Variants in PIK3R5 observed in about 807,000 individuals in gnomAD.
PIK3R5 encodes phosphoinositide 3-kinase regulatory subunit 5.
In PIK3R5, 32 loss-of-function variants were observed where a neutral mutation model predicts 94.9. The ratio of observed to expected loss-of-function variants is 0.34; its 90% CI spans 0.25 to 0.45. PIK3R5 has a LOEUF of 0.45. Ranked by LOEUF, PIK3R5 falls within the 20% of genes least tolerant of loss-of-function variation. The probability of loss-of-function intolerance (pLI) is 1.00; values close to 1 mark genes in which losing one functional copy is unlikely to be tolerated. For missense variants in PIK3R5, 853 were observed against 1,144.6 expected (o/e 0.75, Z 3.68); for synonymous variants, 443 against 479.4 (o/e 0.92, Z 0.99).
intron 1 of PIK3R5, among the ~76,000 whole-genome samples, chr17:8,937,736 C>T (rs570073205): frequency 1.2e-3 from 181 of 152,276 alleles, no homozygotes; most frequent in African/African-American, 4.2e-3. Context: ...TTAGGTAATG[C>T]TGGCCTCATA....
At chr17:8,905,822 C>T (rs1597392083) in intron 3 of PIK3R5, 85 bp from the exon 4 acceptor site, 12 of 620,644 alleles carry the variant, frequency 1.9e-5, no homozygotes, top group Middle Eastern at 3.9e-4. Context: ...CTTCCTCATT[C>T]TAGCCTTTCT....
At position 8,892,908 on chromosome 17, in the gene PIK3R5, C is replaced by T. The variant is rs2090061010; in HGVS notation, c.482+678G>A. On this transcript the variant is annotated intron_variant, in intron 6 of 18. Coordinates refer to ENST00000447110, the MANE Select transcript of PIK3R5 (RefSeq NM_001142633.3). The surrounding 1 kb of genome is among the most constrained non-coding windows in gnomAD (Gnocchi z 4.3). Reference sequence around the variant, plus strand: ...CAGAGGGTCCTCCTAATGGGCACCCCCTCTCTAGTGCTTTTCAAACTGCAG... The same window carrying T: ...CAGAGGGTCCTCCTAATGGGCACCCTCTCTCTAGTGCTTTTCAAACTGCAG... 6.6e-6 allele frequency among the ~76,000 whole-genome samples: 1 copy of T among 152,134 alleles called. No individual in the cohort carries two copies. The highest frequency in any genetic ancestry group is 6.5e-5 in the Admixed American group (1 of 15,282).
intron 1 of PIK3R5, among the ~76,000 whole-genome samples, chr17:8,924,901 T>A (rs1198805938): frequency 6.6e-6 from 1 of 152,228 alleles, no homozygotes; most frequent in Non-Finnish European, 1.5e-5. Context: ...TTTAGCCCAG[T>A]CTAGAACTCT....
intron 5 of PIK3R5, among the ~76,000 whole-genome samples, chr17:8,897,496 C>G (rs402816): frequency 0.67 from 101,957 of 152,054 alleles, 34,686 homozygotes; most frequent in African/African-American, 0.77. Context: ...TGGGGGCGAA[C>G]TGAGATGAGA....
intron 4 of PIK3R5, 41 bp downstream of exon 4, chr17:8,905,628 C>T: frequency 6.6e-7 from 1 of 1,504,044 alleles, no homozygotes; most frequent in Non-Finnish European, 9.0e-7. Flanking sequence ...GCTCCTCCCC[C>T]TCCTCCCTCA....
Position 8,884,767 on chromosome 17 carries a change from C to T in PIK3R5, c.2145G>A (p.Arg715=). 3 of 1,612,968 alleles carry T rather than the reference C, an allele frequency of 1.9e-6. No homozygotes were observed. The highest frequency in any genetic ancestry group is 2.5e-6 in the Non-Finnish European group (3 of 1,179,504). The change falls in exon 15 of 19, where the codon CGG becomes CGA. Residue 715 remains arginine, a synonymous_variant. Transcript: ENST00000447110. The surrounding 1 kb of genome is among the most constrained non-coding windows in gnomAD (Gnocchi z 5.8). ...CCTCCCGGTCGCCATCGATGCCCAG[C>T]CGCTTGCTGCCAGGACCTGTGCCAC... ...AIKASGPGSK[R]LGIDGDREAV...
chr17:8,929,342 T>C (rs1435604287), intron 1 of PIK3R5, among the ~76,000 whole-genome samples: 2 of 151,522 alleles, frequency 1.3e-5, no homozygotes, highest in Non-Finnish European at 3.0e-5. Flanking sequence ...ATAGACAAAT[T>C]AAAAGTAAAA....
chr17:8,912,705 G>A (rs1437923575), intron 1 of PIK3R5, among the ~76,000 whole-genome samples: 3 of 152,228 alleles, frequency 2.0e-5, no homozygotes, highest in African/African-American at 7.2e-5. Context: ...TCAGAGCTGA[G>A]CCATGCAGAT....
chr17:8,888,509 T>G lies in PIK3R5; in HGVS notation c.1278A>C (p.Lys426Asn), dbSNP rs763558166. The change falls in exon 10 of 19, where the codon AAA (lysine) becomes AAC (asparagine). Residue 426 changes from lysine (K) to asparagine (N), a missense_variant. Transcript: ENST00000447110. This position sits in a 1 kb window ranked among gnomAD's most constrained non-coding sequence, Gnocchi z 7.8. ...RPGQKFIRIY[K>N]LFKSTSQLVL... ...CCAGCTGGCTGGTGCTCTTGAAGAG[T>G]TTATAGATCCTGATGAACTTCTGCC... 1.9e-6 allele frequency: 3 copies of G among 1,609,654 alleles called. No homozygotes were observed. The Admixed American group carries it at 5.0e-5, about 27-fold the overall frequency.
chr17:8,887,264 G>C, intron 11 of PIK3R5, 43 bp from the exon 12 acceptor site: 3 of 1,609,978 alleles, frequency 1.9e-6, no homozygotes, highest in South Asian at 2.2e-5. Flanking sequence ...TCCCCAGGAG[G>C]CCTGCCCATC....
chr17:8,959,715 T>TA (rs2151483530), intron 1 of PIK3R5, among the ~76,000 whole-genome samples: 1 of 152,290 alleles, frequency 6.6e-6, no homozygotes, highest in East Asian at 1.9e-4. Context: ...AACCCAGTGA[T>TA]ACGTCTGCAC....
At chr17:8,928,445 C>A (rs2090929634) in intron 1 of PIK3R5, among the ~76,000 whole-genome samples, 1 of 152,004 alleles carries the variant, frequency 6.6e-6, no homozygotes, top group Non-Finnish European at 1.5e-5. Context: ...AAATACACAC[C>A]AAGACATCTC....
intron 1 of PIK3R5, among the ~76,000 whole-genome samples, chr17:8,941,670 G>A (rs1286164859): frequency 1.3e-5 from 2 of 152,240 alleles, no homozygotes; most frequent in Admixed American, 6.5e-5. Flanking sequence ...CGTGGCACAG[G>A]ATGTGGCGGG....
At chr17:8,960,838 G>T (rs978037849) in intron 1 of PIK3R5, among the ~76,000 whole-genome samples, 1 of 152,006 alleles carries the variant, frequency 6.6e-6, no homozygotes, top group Non-Finnish European at 1.5e-5. Context: ...ACTCCCTCCG[G>T]GCCCCACCCC....
intron 5 of PIK3R5, among the ~76,000 whole-genome samples, chr17:8,899,780 T>C (rs1231265680): frequency 6.6e-6 from 1 of 152,110 alleles, no homozygotes; most frequent in African/African-American, 2.4e-5. Flanking sequence ...TGGCTCATGC[T>C]TGTAATCCCA....
chr17:8,906,269 C>T (rs1178686405), intron 3 of PIK3R5, among the ~76,000 whole-genome samples: 1 of 152,124 alleles, frequency 6.6e-6, no homozygotes, highest in East Asian at 1.9e-4. Flanking sequence ...GTTTTCTGTT[C>T]CTGTGTCTGC....
chr17:8,960,306 C>A (rs1294518763), intron 1 of PIK3R5, among the ~76,000 whole-genome samples: 1 of 152,236 alleles, frequency 6.6e-6, no homozygotes, highest in African/African-American at 2.4e-5. Flanking sequence ...AGTCTCAACT[C>A]AAATATGACT....
chr17:8,888,788 GTCC>G lies in PIK3R5; in HGVS notation c.996_998del (p.Glu332del). The G allele has an allele frequency of 1.2e-6, 2 of 1,612,638 alleles. No homozygotes were observed. Among genetic ancestry groups the G allele is most frequent in the Non-Finnish European group, 1.7e-6 (2 of 1,179,996 alleles). ...CGGCACAGTGCCCGTCAGTTTCCAA[GTCC>G]TCCTCCACCTCCTCCTCCTCCTCTT... On this transcript the variant is annotated inframe_deletion, in exon 10 of 19. Coordinates refer to ENST00000447110, the MANE Select transcript of PIK3R5 (RefSeq NM_001142633.3). The surrounding 1 kb of genome is among the most constrained non-coding windows in gnomAD (Gnocchi z 7.8).
chr17:8,947,774 T>C (rs1314939333), intron 1 of PIK3R5, among the ~76,000 whole-genome samples: 1 of 152,046 alleles, frequency 6.6e-6, no homozygotes. Context: ...CTGGGTGCGG[T>C]GGCTCATGCC....
Sources: allele counts gnomAD v4.1 joint callset (sites outside exome capture counted in the v4.1 genomes callset), GRCh38; gene constraint gnomAD v4.1.1; non-coding constraint Gnocchi (gnomAD v3.1); transcripts MANE v1.5; gene names NCBI Gene and HGNC (gene_info 2026-07-23, HGNC 2026-07-21).